Variants in HTR5A observed in about 807,000 individuals in gnomAD.
HTR5A encodes the protein 5-HT-5.
HTR5A carries 21 observed loss-of-function variants against 24.3 expected under a neutral mutation model. The observed-to-expected ratio is 0.86, with a 90% CI of 0.61 to 1.24. The LOEUF (loss-of-function observed/expected upper bound fraction) is 1.24, where lower values mean the gene tolerates loss of function less well. Among genes scored for constraint, HTR5A ranks in the 50% most tolerant of loss-of-function variants. The probability of loss-of-function intolerance (pLI) is 0.00; values close to 1 mark genes in which losing one functional copy is unlikely to be tolerated. For synonymous variants in HTR5A, 260 were observed against 213.7 expected, an observed-to-expected ratio of 1.22 and a Z score of -1.89; for missense variants, 497 against 489.5, an observed-to-expected ratio of 1.02 and a Z score of -0.15.
Position 155,084,305 on chromosome 7 carries a change from T to C in HTR5A, c.892T>C (p.Trp298Arg), listed in dbSNP as rs768890468. ...CCTCATTGGCGTGTTCGTGCTCTGC[T>C]GGATCCCCTTCTTTCTCACCGAGCT... is the stretch of plus-strand genomic sequence containing the variant. ...GILIGVFVLC[W>R]IPFFLTELIS... Residue 298 changes from tryptophan (W) to arginine (R), a missense_variant, in exon 2 of 2, where the codon TGG (tryptophan) becomes CGG (arginine). Transcript: ENST00000287907. 12 of 1,614,200 alleles carry C rather than the reference T, an allele frequency of 7.4e-6. No individual in the cohort carries two copies. Among genetic ancestry groups the C allele is most frequent in the Non-Finnish European group, 1.0e-5 (12 of 1,180,032 alleles).
At chr7:155,074,316 C>G (rs977773582) in intron 1 of HTR5A, among the ~76,000 whole-genome samples, 4 of 152,152 alleles carry the variant, frequency 2.6e-5, no homozygotes, top group African/African-American at 9.7e-5. Flanking sequence ...TGCTAGAGAT[C>G]TGAAATAAAA....
chr7:155,077,181 C>G (rs1795367466), intron 1 of HTR5A: 1 of 152,178 alleles, frequency 6.6e-6, no homozygotes, highest in Non-Finnish European at 1.5e-5. Flanking sequence ...ATAATCTCAT[C>G]ATGAACAAGG....
Position 155,084,564 on chromosome 7 carries a change from C to A in HTR5A, c.*77C>A. On this transcript the variant is annotated 3_prime_UTR_variant, in exon 2 of 2. Transcript: ENST00000287907. Reference sequence around the variant, plus strand: ...CCAGTTCATCCATTTCCCATCCCCACCCAACAGCCATGTGGACGGGATGAA... The same window carrying A: ...CCAGTTCATCCATTTCCCATCCCCAACCAACAGCCATGTGGACGGGATGAA... The A allele has an allele frequency of 8.2e-7, 1 of 1,219,914 alleles. No individual in the cohort carries two copies. 75.6% of individuals were successfully genotyped at this position (1,219,914 alleles called of 1,614,324 possible).
rs866715256 is a variant in HTR5A at position 155,071,182 on chromosome 7, C to A, written c.283C>A (p.Pro95Thr). 1 of 1,602,778 alleles carries A rather than the reference C, an allele frequency of 6.2e-7. No homozygotes were observed. Among genetic ancestry groups the A allele is most frequent in the Non-Finnish European group, 8.5e-7 (1 of 1,179,870 alleles). ...SDVLVAALVM[P>T]LSLVHELSGR... ...TGTCCTGGTGGCCGCGCTGGTCATG[C>A]CGCTGAGCCTGGTGCACGAGCTGTC... Residue 95 changes from proline (P) to threonine (T), a missense_variant, in exon 1 of 2, where the codon CCG becomes ACG. Physicochemically the swap from Pro to Thr is conservative, Grantham distance 38. Coordinates refer to ENST00000287907, the MANE Select transcript of HTR5A (RefSeq NM_024012.4).
At chr7:155,082,699 G>A (rs1795431627) in intron 1 of HTR5A, among the ~76,000 whole-genome samples, 1 of 152,082 alleles carries the variant, frequency 6.6e-6, no homozygotes, top group Non-Finnish European at 1.5e-5. Flanking sequence ...GTTGAATTCT[G>A]TTAAGGAAAC....
chr7:155,081,062 A>C (rs1795411534), intron 1 of HTR5A, among the ~76,000 whole-genome samples: 1 of 152,250 alleles, frequency 6.6e-6, no homozygotes, highest in South Asian at 2.1e-4. Flanking sequence ...TAGAACAATC[A>C]GTCTTGTCCT....
At chr7:155,074,014 C>G (rs956283046) in intron 1 of HTR5A, among the ~76,000 whole-genome samples, 1 of 151,490 alleles carries the variant, frequency 6.6e-6, no homozygotes, top group Non-Finnish European at 1.5e-5. Flanking sequence ...ATCCAGTACT[C>G]TAAATATAAT....
Position 155,084,603 on chromosome 7 carries a change from C to A in HTR5A, c.*116C>A. 1 of 839,982 alleles carries A rather than the reference C, an allele frequency of 1.2e-6. No individual in the cohort carries two copies. The highest frequency in any genetic ancestry group is 1.9e-6 in the Non-Finnish European group (1 of 536,102). The allele number at this position is 839,982 out of a possible 1,614,324, so 52.0% of individuals were successfully genotyped here. A position where few individuals can be genotyped will look rare whatever the true frequency, so the allele number is the denominator to read the frequency against. On this transcript the variant is annotated 3_prime_UTR_variant, in exon 2 of 2. Transcript: ENST00000287907. The stretch of plus-strand genomic sequence containing the variant: ...GGACGGGATGAATCCTCACCATTCT[C>A]CAGGGTCATCTTCAGAACTGCACTG...
rs1484682910 is a variant in HTR5A, at chr7:155,085,449, C to G, written c.*962C>G. On this transcript the variant is annotated 3_prime_UTR_variant, in exon 2 of 2. Coordinates refer to ENST00000287907, the MANE Select transcript of HTR5A (RefSeq NM_024012.4). Reference sequence around the variant, plus strand: ...CCAAACACAGGCACTTTAAGGGCATCCTTGATTAATTTGCTAATTGCTATT... The same window carrying G: ...CCAAACACAGGCACTTTAAGGGCATGCTTGATTAATTTGCTAATTGCTATT... 4 of 152,146 alleles carry G rather than the reference C, an allele frequency of 2.6e-5. No individual in the cohort carries two copies. Among genetic ancestry groups the G allele is most frequent in the African/African-American group, 9.7e-5 (4 of 41,418 alleles). The allele number at this position is 152,146 out of a possible 1,614,324, so 9.4% of individuals were successfully genotyped here.
chr7:155,071,194 G>C lies in HTR5A; in HGVS notation c.295G>C (p.Val99Leu). ...VAALVMPLSL[V>L]HELSGRRWQL... ...CGCGCTGGTCATGCCGCTGAGCCTG[G>C]TGCACGAGCTGTCCGGGCGCCGCTG... Residue 99 changes from valine (V) to leucine (L), a missense_variant, in exon 1 of 2, where the codon GTG (valine) becomes CTG (leucine). Val to Leu is a conservative substitution (Grantham distance 32). Transcript: ENST00000287907. 4 of 1,602,832 alleles carry C rather than the reference G, an allele frequency of 2.5e-6. No individual in the cohort carries two copies. Among genetic ancestry groups the C allele is most frequent in the Non-Finnish European group, 3.4e-6 (4 of 1,179,866 alleles).
At position 155,084,177 on chromosome 7, in the gene HTR5A, C is replaced by G. The variant is rs758551610; in HGVS notation, c.764C>G (p.Pro255Arg). ...CAGGTGAAGGACTCTGCCAAACAGC[C>G]CCAGATGGTGTTCACGGTCCGCCAC... ...AVEVKDSAKQ[P>R]QMVFTVRHAT... is the part of the protein sequence containing the mutation. The change falls in exon 2 of 2, where the codon CCC becomes CGC. Residue 255 changes from proline (P) to arginine (R), a missense_variant. Transcript: ENST00000287907. 1.9e-6 allele frequency: 3 copies of G among 1,610,990 alleles called. No individual in the cohort carries two copies. The highest frequency in any genetic ancestry group is 2.5e-6 in the Non-Finnish European group (3 of 1,178,714).
chr7:155,082,556 T>C (rs1795430090), intron 1 of HTR5A, among the ~76,000 whole-genome samples: 1 of 152,198 alleles, frequency 6.6e-6, no homozygotes, highest in Non-Finnish European at 1.5e-5. Flanking sequence ...GTTACCAGTG[T>C]CCCCATTGTC....
chr7:155,076,395 A>AT (rs151027851), intron 1 of HTR5A, among the ~76,000 whole-genome samples: 4,446 of 152,114 alleles, frequency 0.029, 199 homozygotes, highest in African/African-American at 0.1. Flanking sequence ...ATTCTGTTTC[A>AT]TTTTTTTAAC....
Position 155,071,284 on chromosome 7 carries a change from A to C in HTR5A, c.385A>C (p.Ile129Leu). ...CGACGTGCTTTGCTGCACGGCCAGC[A>C]TCTGGAACGTGACGGCCATAGCCCT... ...ACDVLCCTASIWNVTAIALDR... is the reference protein window; with the variant it reads ...ACDVLCCTASLWNVTAIALDR... Residue 129 changes from isoleucine to leucine, a missense_variant, in exon 1 of 2, where the codon ATC becomes CTC. By Grantham distance (5) the Ile-to-Leu change is conservative. Transcript: ENST00000287907. The C allele has an allele frequency of 6.2e-7, 1 of 1,608,868 alleles. No individual in the cohort carries two copies. The highest frequency in any genetic ancestry group is 8.5e-7 in the Non-Finnish European group (1 of 1,179,874).
intron 1 of HTR5A, among the ~76,000 whole-genome samples, chr7:155,077,568 A>G (rs1215298993): frequency 6.7e-6 from 1 of 149,652 alleles, no homozygotes; most frequent in Non-Finnish European, 1.5e-5. Context: ...GGTTCAAATC[A>G]TTCTCCTGCC....
At chr7:155,082,479 C>T (rs141637553) in intron 1 of HTR5A, among the ~76,000 whole-genome samples, 12 of 152,296 alleles carry the variant, frequency 7.9e-5, no homozygotes, top group South Asian at 6.2e-4. Context: ...TCCAGTGTTA[C>T]CAGCATCCTT....
intron 1 of HTR5A, among the ~76,000 whole-genome samples, chr7:155,078,987 G>A (rs955977983): frequency 6.7e-6 from 1 of 149,036 alleles, no homozygotes; most frequent in African/African-American, 2.5e-5. Context: ...GCAGGGTCTT[G>A]CTCTGTTGCC....
Position 155,084,573 on chromosome 7 carries a change from C to G in HTR5A, c.*86C>G, listed in dbSNP as rs993217198. 3 of 1,124,458 alleles carry G rather than the reference C, an allele frequency of 2.7e-6. No individual in the cohort carries two copies. The highest frequency in any genetic ancestry group is 3.9e-6 in the Non-Finnish European group (3 of 777,852). 69.7% of individuals were successfully genotyped at this position (1,124,458 alleles called of 1,614,324 possible). ...CCATTTCCCATCCCCACCCAACAGC[C>G]ATGTGGACGGGATGAATCCTCACCA... On this transcript the variant is annotated 3_prime_UTR_variant, in exon 2 of 2. Transcript: ENST00000287907.
At chr7:155,079,773 T>C (rs1359515077) in intron 1 of HTR5A, among the ~76,000 whole-genome samples, 1 of 152,194 alleles carries the variant, frequency 6.6e-6, no homozygotes, top group African/African-American at 2.4e-5. Context: ...GGTCAACAGT[T>C]CATGCTTGTG....
Sources: allele counts gnomAD v4.1 joint callset (sites outside exome capture counted in the v4.1 genomes callset), GRCh38; gene constraint gnomAD v4.1.1; transcripts MANE v1.5; gene names NCBI Gene and HGNC (gene_info 2026-07-23, HGNC 2026-07-21).